CEP44: variants seen among roughly 807,000 people sequenced by gnomAD.
The protein encoded by CEP44 is centrosomal protein 44.
In CEP44, 45 loss-of-function variants were observed where a neutral mutation model predicts 46.7. That is an observed-to-expected ratio of 0.96 (90% CI 0.76 to 1.24). CEP44 has a LOEUF of 1.24. Ranked by LOEUF, CEP44 falls within the 50% of genes most tolerant of loss-of-function variation. The pLI is 0.00. For synonymous variants in CEP44, 142 were observed against 146.0 expected, an observed-to-expected ratio of 0.97 and a Z score of 0.20; for missense variants, 475 against 459.7, an observed-to-expected ratio of 1.03 and a Z score of -0.30.
Position 174,289,463 on chromosome 4 carries a change from A to G in CEP44, c.-148+5520A>G, listed in dbSNP as rs184231442. Among the ~76,000 whole-genome samples the G allele has an allele frequency of 4.0e-5, 6 of 151,216 alleles. No homozygotes were observed. In the East Asian group the frequency reaches 1.2e-3, roughly 29 times the overall value. On this transcript the variant is annotated intron_variant, in intron 1 of 11. Transcript: ENST00000503780. ...TATTCAAGCATTCTATTTCTTCTTG[A>G]TTCAGTCTTGGTAAGTTATATTTTT...
At chr4:174,302,522 T>C (rs1739851382) in intron 4 of CEP44, among the ~76,000 whole-genome samples, 1 of 152,112 alleles carries the variant, frequency 6.6e-6, no homozygotes, top group South Asian at 2.1e-4. Flanking sequence ...TTTTTAGAAT[T>C]ATATGTTAAT....
Position 174,297,288 on chromosome 4 carries a change from A to C in CEP44, c.-147-678A>C, listed in dbSNP as rs188163582. 1.2e-3 allele frequency among the ~76,000 whole-genome samples: 188 copies of C among 151,844 alleles called. No individual in the cohort carries two copies. Among genetic ancestry groups the C allele is most frequent in the Non-Finnish European group, 2.3e-3 (158 of 67,908 alleles). On this transcript the variant is annotated intron_variant, in intron 1 of 11. Coordinates refer to ENST00000503780, the MANE Select transcript of CEP44 (RefSeq NM_001040157.3). This position sits in a 1 kb window ranked among gnomAD's most constrained non-coding sequence, Gnocchi z 4.3. Reference sequence around the variant, plus strand: ...AGCTTCATTTTGAAATTTTTTCTCTATATTATCTCTATTTCCACCAAATTT... The same window carrying C: ...AGCTTCATTTTGAAATTTTTTCTCTCTATTATCTCTATTTCCACCAAATTT...
In CEP44 at chr4:174,302,076, A is replaced by G. The variant is rs1739785907; in HGVS notation, c.127A>G (p.Ile43Val). Reference protein sequence around the residue: ...KGDPAASLPIISYSFTSYSPY... With the variant: ...KGDPAASLPIVSYSFTSYSPY... ...AGACCCAGCAGCATCTTTGCCCATC[A>G]TCAGCTATTCTTTTACCTCATACTC... Residue 43 changes from isoleucine (I) to valine (V), a missense_variant, in exon 4 of 12, where the codon ATC becomes GTC. By Grantham distance (29) the Ile-to-Val change is conservative. Coordinates refer to ENST00000503780, the MANE Select transcript of CEP44 (RefSeq NM_001040157.3). 1 of 1,610,908 alleles carries G rather than the reference A, an allele frequency of 6.2e-7. No homozygotes were observed. Among genetic ancestry groups the G allele is most frequent in the African/African-American group, 1.3e-5 (1 of 74,802 alleles).
chr4:174,291,635 C>T (rs541989890), intron 1 of CEP44, among the ~76,000 whole-genome samples: 38 of 151,960 alleles, frequency 2.5e-4, no homozygotes, highest in African/African-American at 9.2e-4. Context: ...CTTTCATATG[C>T]TTTCATACTG....
intron 6 of CEP44, 135 bp downstream of exon 6, chr4:174,304,504 A>T: frequency 8.4e-7 from 1 of 1,197,176 alleles, no homozygotes; most frequent in Non-Finnish European, 1.1e-6. Context: ...TTAACAGTGC[A>T]TGCCATATAT....
chr4:174,320,896 C>T (rs974784518), downstream of CEP44, among the ~76,000 whole-genome samples: 9 of 151,948 alleles, frequency 5.9e-5, no homozygotes, highest in Admixed American at 2.0e-4. Flanking sequence ...GAGACTATTA[C>T]AGTAATCGAA....
Position 174,286,962 on chromosome 4 carries a change from A to G in CEP44, c.-148+3019A>G, listed in dbSNP as rs1376851941. On this transcript the variant is annotated intron_variant, in intron 1 of 11. Coordinates refer to ENST00000503780, the MANE Select transcript of CEP44 (RefSeq NM_001040157.3). This position sits in a 1 kb window ranked among gnomAD's most constrained non-coding sequence, Gnocchi z 5.2. ...ACCATTTACTCTTTCTGTAAAAAGC[A>G]TAGATATTTTGAATTTCTTGCCTTT... Among the ~76,000 whole-genome samples the G allele has an allele frequency of 3.3e-5, 5 of 152,326 alleles. No homozygotes were observed. Among genetic ancestry groups the G allele is most frequent in the African/African-American group, 7.2e-5 (3 of 41,574 alleles).
chr4:174,302,113 CAG>C lies in CEP44; in HGVS notation c.166_167del (p.Glu56ThrfsTer14). ...TTTACCTCATACTCACCTTATGTAA[CAG>C]AACTTATAATGGAATCCAATGTAGA... is the stretch of plus-strand genomic sequence containing the variant. On this transcript the variant is annotated frameshift_variant, in exon 4 of 12. Coordinates refer to ENST00000503780, the MANE Select transcript of CEP44 (RefSeq NM_001040157.3). LOFTEE classifies it high-confidence loss of function. The C allele has an allele frequency of 6.2e-7, 1 of 1,612,050 alleles. No individual in the cohort carries two copies. Among genetic ancestry groups the C allele is most frequent in the Non-Finnish European group, 8.5e-7 (1 of 1,179,036 alleles).
chr4:174,295,553 A>C (rs1223804704), intron 1 of CEP44, among the ~76,000 whole-genome samples: 2 of 129,232 alleles, frequency 1.5e-5, no homozygotes, highest in African/African-American at 2.9e-5. Flanking sequence ...ATGGGCGGCC[A>C]GGCAGAGACG....
intron 10 of CEP44, 42 bp from the exon 11 acceptor site, chr4:174,316,488 A>G (rs1164611948): frequency 6.6e-7 from 1 of 1,520,410 alleles, no homozygotes; most frequent in African/African-American, 1.4e-5. Context: ...ATGATGGTTT[A>G]CTTTGAGAAA....
intron 8 of CEP44, among the ~76,000 whole-genome samples, chr4:174,330,149 T>C (rs1481324056): frequency 6.6e-6 from 1 of 152,136 alleles, no homozygotes; most frequent in Non-Finnish European, 1.5e-5. Flanking sequence ...CGTATCTTAT[T>C]TTCTTATTTT....
Position 174,299,054 on chromosome 4 carries a change from A to G in CEP44, c.-50-18A>G. ...AATACAGAGACTTAACCAGTATTTCATGGATTTCTATTTTCAGGTGAAAAA... is the reference window on the plus strand; with the variant it reads ...AATACAGAGACTTAACCAGTATTTCGTGGATTTCTATTTTCAGGTGAAAAA... On this transcript the variant is annotated intron_variant, in intron 2 of 11. Coordinates refer to ENST00000503780, the MANE Select transcript of CEP44 (RefSeq NM_001040157.3). The G allele has an allele frequency of 1.4e-6, 2 of 1,393,110 alleles. No homozygotes were observed. The highest frequency in any genetic ancestry group is 1.0e-6 in the Non-Finnish European group (1 of 991,142). 86.3% of individuals were successfully genotyped at this position (1,393,110 alleles called of 1,614,324 possible).
At chr4:174,307,556 T>G (rs1213803294) in intron 6 of CEP44, among the ~76,000 whole-genome samples, 1 of 152,076 alleles carries the variant, frequency 6.6e-6, no homozygotes, top group Non-Finnish European at 1.5e-5. Flanking sequence ...GTGTCGGCAA[T>G]GATTTCATGA....
intron 8 of CEP44, among the ~76,000 whole-genome samples, chr4:174,327,634 A>T (rs1430285124): frequency 6.6e-6 from 1 of 152,122 alleles, no homozygotes; most frequent in Non-Finnish European, 1.5e-5. Flanking sequence ...AGAGCCCCCA[A>T]ACAGACTCTA....
rs1222972129 is a variant in CEP44, at chr4:174,316,578, G to A, written c.1124+11G>A. ...AAGGATGAAAAAAATGTAAGTAACAGAAAGGGGCAACAGAAATTCATTTCT... is the reference window on the plus strand; with the variant it reads ...AAGGATGAAAAAAATGTAAGTAACAAAAAGGGGCAACAGAAATTCATTTCT... On this transcript the variant is annotated intron_variant, in intron 11 of 11. Coordinates refer to ENST00000503780, the MANE Select transcript of CEP44 (RefSeq NM_001040157.3). 6.3e-7 allele frequency: 1 copy of A among 1,587,434 alleles called. No individual in the cohort carries two copies. The highest frequency in any genetic ancestry group is 2.2e-5 in the East Asian group (1 of 44,656).
rs1341850371 is a variant in CEP44, at chr4:174,314,892, A to G, written c.962-1274A>G. On this transcript the variant is annotated intron_variant, in intron 9 of 11. Coordinates refer to ENST00000503780, the MANE Select transcript of CEP44 (RefSeq NM_001040157.3). This position sits in a 1 kb window ranked among gnomAD's most constrained non-coding sequence, Gnocchi z 4.1. ...GTAGACACCTGACCCAGAGAATTCCAGTTCAAAGTGTGATGAGTCAAATTA... is the reference window on the plus strand; with the variant it reads ...GTAGACACCTGACCCAGAGAATTCCGGTTCAAAGTGTGATGAGTCAAATTA... Among the ~76,000 whole-genome samples, 4 of 152,212 alleles carry G rather than the reference A, an allele frequency of 2.6e-5. No individual in the cohort carries two copies. Among genetic ancestry groups the G allele is most frequent in the Non-Finnish European group, 2.9e-5 (2 of 68,022 alleles).
intron 3 of CEP44, among the ~76,000 whole-genome samples, chr4:174,300,274 G>A (rs1208401719): frequency 6.6e-6 from 1 of 152,114 alleles, no homozygotes; most frequent in Non-Finnish European, 1.5e-5. Context: ...GGAGAGTAAG[G>A]AGAAAGTTTA....
At position 174,317,530 on chromosome 4, in the gene CEP44, A is replaced by C; in HGVS notation, c.*147A>C. On this transcript the variant is annotated 3_prime_UTR_variant, in exon 12 of 12. Coordinates refer to ENST00000503780, the MANE Select transcript of CEP44 (RefSeq NM_001040157.3). Reference sequence around the variant, plus strand: ...TGGTATATGAATTTTTGCATTCATTATTGAATAACTCTTTTAATATTTTTG... The same window carrying C: ...TGGTATATGAATTTTTGCATTCATTCTTGAATAACTCTTTTAATATTTTTG... 1 of 1,189,388 alleles carries C rather than the reference A, an allele frequency of 8.4e-7. No homozygotes were observed. 73.7% of individuals were successfully genotyped at this position (1,189,388 alleles called of 1,614,324 possible). A position where few individuals can be genotyped will look rare whatever the true frequency, so the allele number is the denominator to read the frequency against.
At chr4:174,305,955 C>A (rs1259207675) in intron 6 of CEP44, among the ~76,000 whole-genome samples, 1 of 152,072 alleles carries the variant, frequency 6.6e-6, no homozygotes, top group Non-Finnish European at 1.5e-5. Flanking sequence ...TCTTTGTTAT[C>A]TATTAAAATT....
Sources: gnomAD v4.1 joint callset for allele counts (sites outside exome capture counted in the v4.1 genomes callset) on GRCh38, gnomAD v4.1.1 for gene constraint, Gnocchi (gnomAD v3.1) non-coding constraint, MANE v1.5 for transcripts, NCBI Gene and HGNC (gene_info 2026-07-23, HGNC 2026-07-21) for gene names.